Variants in PLSCR5 observed in about 807,000 individuals in gnomAD.
PLSCR5 encodes phospholipid scramblase family, member 5.
A neutral mutation model predicts 33.6 loss-of-function variants in PLSCR5; 44 were observed. That is an observed-to-expected ratio of 1.31 (90% CI 1.03 to 1.69). The LOEUF is 1.69. Among genes scored for constraint, PLSCR5 ranks in the 40% most tolerant of loss-of-function variants. PLSCR5 has a pLI of 0.00. For synonymous variants in PLSCR5, 148 were observed against 112.3 expected (o/e 1.32, Z -2.01); for missense variants, 375 against 318.7 (o/e 1.18, Z -1.34).
At chr3:146,599,185 A>G (rs746123570) in intron 2 of PLSCR5, among the ~76,000 whole-genome samples, 5 of 152,206 alleles carry the variant, frequency 3.3e-5, no homozygotes, top group Non-Finnish European at 5.9e-5. Flanking sequence ...AAATTCAGAT[A>G]GTGATATTTT....
rs771433321 is a variant in PLSCR5, at chr3:146,589,747, T to C, written c.683A>G (p.Asp228Gly). 14 of 1,595,836 alleles carry C rather than the reference T, an allele frequency of 8.8e-6. No homozygotes were observed. In the African/African-American group the frequency reaches 1.7e-4, roughly 20 times the overall value. ...GAAATTGTCAGCATTTGTGAAGACA[T>C]CATTTACAAATCCTGACCAGTACTT... ...ISKYWSGFVN[D>G]VFTNADNFGI... The change falls in exon 6 of 8, where the codon GAT becomes GGT. Residue 228 changes from aspartate (D) to glycine (G), a missense_variant. Coordinates refer to ENST00000443512, the MANE Select transcript of PLSCR5 (RefSeq NM_001085420.2).
intron 1 of PLSCR5, among the ~76,000 whole-genome samples, chr3:146,604,154 A>G (rs1421583095): frequency 6.6e-6 from 1 of 152,106 alleles, no homozygotes; most frequent in Non-Finnish European, 1.5e-5. Flanking sequence ...GTTTTCACCA[A>G]TTATACTAAT....
chr3:146,600,423 A>G lies in PLSCR5; in HGVS notation c.54T>C (p.Pro18=). ...GGCTTTGGTCTGGGTCTGGAGCTCCAGGAAGAAAACCAGGCAGACCTCTTC... is the reference window on the plus strand; with the variant it reads ...GGCTTTGGTCTGGGTCTGGAGCTCCGGGAAGAAAACCAGGCAGACCTCTTC... ...NQRRGLPGFL[P]GAPDPDQSLP... is the part of the protein sequence containing the mutation. Residue 18 remains proline, a synonymous_variant, in exon 2 of 8, where the codon CCT becomes CCC. Coordinates refer to ENST00000443512, the MANE Select transcript of PLSCR5 (RefSeq NM_001085420.2). The G allele has an allele frequency of 6.2e-7, 1 of 1,604,614 alleles. No individual in the cohort carries two copies.
intron 4 of PLSCR5, among the ~76,000 whole-genome samples, chr3:146,592,742 T>G (rs2044726467): frequency 6.6e-6 from 1 of 152,150 alleles, no homozygotes; most frequent in Non-Finnish European, 1.5e-5. Flanking sequence ...TAATTTGCTA[T>G]TGATCAAATT....
At chr3:146,590,143 G>A (rs1306545827) in intron 5 of PLSCR5, 1 of 169,616 alleles carries the variant, frequency 5.9e-6, no homozygotes, top group Non-Finnish European at 1.2e-5. Flanking sequence ...TATCATCTAA[G>A]CATGAAGGCG....
At chr3:146,590,984 A>T (rs2044708291) in intron 5 of PLSCR5, among the ~76,000 whole-genome samples, 1 of 132,888 alleles carries the variant, frequency 7.5e-6, no homozygotes, top group African/African-American at 2.7e-5. Flanking sequence ...ATACGAGAAT[A>T]AGGTTTTTTT....
chr3:146,604,655 A>G (rs1457056063), intron 1 of PLSCR5, among the ~76,000 whole-genome samples: 1 of 152,038 alleles, frequency 6.6e-6, no homozygotes, highest in Non-Finnish European at 1.5e-5. Flanking sequence ...ATTGTCTGTA[A>G]CTCAAAGGCT....
chr3:146,589,859 G>C (rs1352137589), intron 5 of PLSCR5, 45 bp from the exon 6 acceptor site: 20 of 1,356,722 alleles, frequency 1.5e-5, no homozygotes, highest in Non-Finnish European at 2.0e-5. Flanking sequence ...AGTGAAAAAA[G>C]TTGGTTTTAT....
intron 1 of PLSCR5, among the ~76,000 whole-genome samples, chr3:146,602,467 G>A (rs1185955410): frequency 6.6e-6 from 1 of 151,928 alleles, no homozygotes; most frequent in African/African-American, 2.4e-5. Context: ...GGGAAAGGGA[G>A]GATGCATGGC....
Position 146,586,043 on chromosome 3 carries a change from G to T in PLSCR5, c.*31C>A. On this transcript the variant is annotated 3_prime_UTR_variant, in exon 7 of 8. Coordinates refer to ENST00000443512, the MANE Select transcript of PLSCR5 (RefSeq NM_001085420.2). ...CTTTTTACTTACTGAAATATGTTCT[G>T]CATATTTTATTGTTTTCATTATCTT... 6.8e-7 allele frequency: 1 copy of T among 1,468,968 alleles called. No individual in the cohort carries two copies. Among genetic ancestry groups the T allele is most frequent in the Non-Finnish European group, 9.0e-7 (1 of 1,105,188 alleles). 91.0% of individuals were successfully genotyped at this position (1,468,968 alleles called of 1,614,324 possible).
chr3:146,580,199 A>G (rs894260212), intron 7 of PLSCR5, among the ~76,000 whole-genome samples: 3 of 152,114 alleles, frequency 2.0e-5, no homozygotes, highest in Non-Finnish European at 4.4e-5. Context: ...TTCAGTTTCT[A>G]ATGACAAAAA....
chr3:146,595,524 G>C (rs2044753577), intron 2 of PLSCR5, among the ~76,000 whole-genome samples: 1 of 152,004 alleles, frequency 6.6e-6, no homozygotes, highest in Non-Finnish European at 1.5e-5. Flanking sequence ...GAGGTGGGAG[G>C]ATAGCTTGAT....
At chr3:146,585,549 C>A (rs936301556), downstream of PLSCR5, among the ~76,000 whole-genome samples, 1 of 151,982 alleles carries the variant, frequency 6.6e-6, no homozygotes, top group Non-Finnish European at 1.5e-5. Flanking sequence ...TATCTCACTA[C>A]AATAAGAAAA....
intron 5 of PLSCR5, among the ~76,000 whole-genome samples, chr3:146,590,758 C>T (rs1210254376): frequency 1.3e-5 from 2 of 152,020 alleles, no homozygotes; most frequent in Admixed American, 1.3e-4. Context: ...GCAAAATTTG[C>T]ATTGTATTCT....
At chr3:146,591,588 A>G (rs2044714500) in intron 5 of PLSCR5, 132 bp downstream of exon 5, 2 of 1,007,466 alleles carry the variant, frequency 2.0e-6, no homozygotes, top group Non-Finnish European at 2.9e-6. Context: ...TGGGCTGATT[A>G]CATTATATTA....
At chr3:146,584,819 G>T (rs1213702401), downstream of PLSCR5, among the ~76,000 whole-genome samples, 2 of 152,114 alleles carry the variant, frequency 1.3e-5, no homozygotes, top group African/African-American at 4.8e-5. Flanking sequence ...TCTAGGAAAT[G>T]ATCATCTCCT....
rs151327656 is a variant in PLSCR5, at chr3:146,593,429, C to T, written c.453+491G>A. Among the ~76,000 whole-genome samples, 854 of 152,040 alleles carry T rather than the reference C, an allele frequency of 5.6e-3. 11 individuals are homozygous for T. Among genetic ancestry groups the T allele is most frequent in the African/African-American group, 0.02 (813 of 41,494 alleles). The stretch of plus-strand genomic sequence containing the variant: ...TTAAAATAAAATAATTGAATTATTC[C>T]CTGTAGAACAATAACATTGTCTTGC... On this transcript the variant is annotated intron_variant, in intron 4 of 7. Transcript: ENST00000443512.
At chr3:146,599,512 AAC>A (rs1338721816) in intron 2 of PLSCR5, among the ~76,000 whole-genome samples, 3 of 133,490 alleles carry the variant, frequency 2.2e-5, no homozygotes. Flanking sequence ...ACTTTGCATT[AAC>A]TTTTTTTTTT....
intron 2 of PLSCR5, among the ~76,000 whole-genome samples, chr3:146,596,541 G>A (rs1453576744): frequency 6.6e-6 from 1 of 152,142 alleles, no homozygotes; most frequent in African/African-American, 2.4e-5. Context: ...ATCCAGTAAT[G>A]CAAAAGCATG....
Sources: gnomAD v4.1 joint callset for allele counts (sites outside exome capture counted in the v4.1 genomes callset) on GRCh38, gnomAD v4.1.1 for gene constraint, MANE v1.5 for transcripts, NCBI Gene and HGNC (gene_info 2026-07-23, HGNC 2026-07-21) for gene names.